Variants in PLCG1 observed in about 807,000 individuals in gnomAD.
The protein encoded by PLCG1 is phospholipase C gamma 1, also known as 1-phosphatidylinositol 4,5-bisphosphate phosphodiesterase gamma-1.
PLCG1 carries 71 observed loss-of-function variants against 177.8 expected under a neutral mutation model. That is an observed-to-expected ratio of 0.40 (90% CI 0.33 to 0.49). PLCG1 has a LOEUF of 0.49. Ranked by LOEUF, PLCG1 falls within the 20% of genes least tolerant of loss-of-function variation. The probability of loss-of-function intolerance (pLI) is 0.72; values close to 1 mark genes in which losing one functional copy is unlikely to be tolerated. For synonymous variants in PLCG1, 658 were observed against 647.9 expected (o/e 1.02, Z -0.24); for missense variants, 1,281 against 1,709.0 (o/e 0.75, Z 4.42).
Position 41,172,569 on chromosome 20 carries a change from G to A in PLCG1, c.3054G>A (p.Leu1018=), listed in dbSNP as rs1180918559. Residue 1018 remains leucine, a synonymous_variant, in exon 26 of 32, where the codon CTG becomes CTA. Coordinates refer to ENST00000685551, the MANE Select transcript of PLCG1 (RefSeq NM_002660.3). The surrounding 1 kb of genome is among the most constrained non-coding windows in gnomAD (Gnocchi z 7.0). ...LSRIYPKGQR[L]DSSNYDPLPM... is the part of the protein sequence containing the mutation. ...GCATCTACCCCAAGGGCCAGCGACT[G>A]GATTCCTCCAACTACGATCCTTTGC... The A allele has an allele frequency of 1.2e-6, 2 of 1,614,092 alleles. No homozygotes were observed. Among genetic ancestry groups the A allele is most frequent in the East Asian group, 2.2e-5 (1 of 44,902 alleles).
chr20:41,176,863 G>GTTGT lies in PLCG1; in HGVS notation c.*2358_*2361dup, dbSNP rs779391862. 1.3e-5 allele frequency: 2 copies of GTTGT among 152,284 alleles called. No individual in the cohort carries two copies. The highest frequency in any genetic ancestry group is 2.9e-5 in the Non-Finnish European group (2 of 68,078). The allele number at this position is 152,284 out of a possible 1,614,324, so 9.4% of individuals were successfully genotyped here. A position where few individuals can be genotyped will look rare whatever the true frequency, so the allele number is the denominator to read the frequency against. On this transcript the variant is annotated 3_prime_UTR_variant, in exon 32 of 32. Transcript: ENST00000685551. ...GGGGCCGAATGCTTTGGCATCAGGAGTTGTTTGCCCCATCCCATGCATGCA... is the reference window on the plus strand; with the variant it reads ...GGGGCCGAATGCTTTGGCATCAGGAGTTGTTTGTTTGCCCCATCCCATGCATGCA...
Position 41,167,994 on chromosome 20 carries a change from C to A in PLCG1, c.2379+65C>A. The stretch of plus-strand genomic sequence containing the variant: ...TCCCCAGCTGCTTGGGGCTTCATTT[C>A]TGTGTTCTGGGCCATCTGTGGTCTT... On this transcript the variant is annotated intron_variant, in intron 20 of 31. Coordinates refer to ENST00000685551, the MANE Select transcript of PLCG1 (RefSeq NM_002660.3). The surrounding 1 kb of genome is among the most constrained non-coding windows in gnomAD (Gnocchi z 4.4). 9.1e-7 allele frequency: 1 copy of A among 1,100,614 alleles called. No homozygotes were observed. Among genetic ancestry groups the A allele is most frequent in the South Asian group, 1.3e-5 (1 of 79,798 alleles). The allele number at this position is 1,100,614 out of a possible 1,614,324, so 68.2% of individuals were successfully genotyped here. A position where few individuals can be genotyped will look rare whatever the true frequency, so the allele number is the denominator to read the frequency against.
rs930563273 is a variant in PLCG1, at chr20:41,175,743, G to C, written c.*1234G>C. 6.5e-6 allele frequency: 1 copy of C among 152,672 alleles called. No homozygotes were observed. The highest frequency in any genetic ancestry group is 6.5e-5 in the Admixed American group (1 of 15,306). 9.5% of individuals were successfully genotyped at this position (152,672 alleles called of 1,614,324 possible). A position where few individuals can be genotyped will look rare whatever the true frequency, so the allele number is the denominator to read the frequency against. On this transcript the variant is annotated 3_prime_UTR_variant, in exon 32 of 32. Transcript: ENST00000685551. ...TTTCCTTTGACTTGTATGCTCTTTCGGGGGCTCAGGAAAGCCTGTTGCATG... is the reference window on the plus strand; with the variant it reads ...TTTCCTTTGACTTGTATGCTCTTTCCGGGGCTCAGGAAAGCCTGTTGCATG...
Position 41,166,690 on chromosome 20 carries a change from A to G in PLCG1, c.2132A>G (p.Lys711Arg), listed in dbSNP as rs780780389. Reference protein sequence around the residue: ...SYAISFRAEGKIKHCRVQQEG... With the variant: ...SYAISFRAEGRIKHCRVQQEG... ...TTGTCCTTGTGAAGGGCTGAGGGCA[A>G]GATCAAGCATTGCCGTGTCCAGCAA... is the stretch of plus-strand genomic sequence containing the variant. The change falls in exon 19 of 32, where the codon AAG becomes AGG. Residue 711 changes from lysine to arginine, a missense_variant. Physicochemically the swap from Lys to Arg is conservative, Grantham distance 26. Transcript: ENST00000685551. The surrounding 1 kb of genome is among the most constrained non-coding windows in gnomAD (Gnocchi z 8.6). The G allele has an allele frequency of 1.6e-5, 26 of 1,614,160 alleles. No homozygotes were observed. The highest frequency in any genetic ancestry group is 2.2e-5 in the Non-Finnish European group (26 of 1,180,012).
At position 41,165,792 on chromosome 20, in the gene PLCG1, G is replaced by A. The variant is rs2146044446; in HGVS notation, c.1765G>A (p.Glu589Lys). 1 of 1,600,012 alleles carries A rather than the reference G, an allele frequency of 6.2e-7. No homozygotes were observed. The highest frequency in any genetic ancestry group is 8.5e-7 in the Non-Finnish European group (1 of 1,170,098). The part of the protein sequence containing the change: ...PDGSFLVRES[E>K]TFVGDYTLSF... ...CGGCTCCTTCCTCGTGCGAGAGAGT[G>A]AGACCTTCGTGGGCGACTACACGCT... Residue 589 changes from glutamate to lysine, a missense_variant, in exon 16 of 32, where the codon GAG becomes AAG. Physicochemically the swap from Glu to Lys is moderately conservative, Grantham distance 56 (BLOSUM62 1). Around this residue, in one of 4 missense-constraint regions of PLCG1, gnomAD observed 723 missense variants for 1,030.0 expected, o/e 0.70. Transcript: ENST00000685551. The surrounding 1 kb of genome is among the most constrained non-coding windows in gnomAD (Gnocchi z 6.6).
Position 41,166,528 on chromosome 20 carries a change from G to GT in PLCG1, c.2054dup (p.Arg687SerfsTer2). ...ACAGGCTGAGCACATGCTAATGCGC[G>GT]TCCCTCGTGATGGGGCCTTCCTGGT... On this transcript the variant is annotated frameshift_variant, in exon 18 of 32. Transcript: ENST00000685551. LOFTEE classifies it high-confidence loss of function. This position sits in a 1 kb window ranked among gnomAD's most constrained non-coding sequence, Gnocchi z 8.6. The GT allele has an allele frequency of 6.2e-7, 1 of 1,614,170 alleles. No homozygotes were observed. The highest frequency in any genetic ancestry group is 8.5e-7 in the Non-Finnish European group (1 of 1,180,044).
In PLCG1 at chr20:41,146,604, T is replaced by G. The variant is rs1751802323; in HGVS notation, c.217+8746T>G. ...AGTTTGGCCACTTGTTTGTGTGTGT[T>G]TAGTTCTTCCTGGGCACAGGTGGGG... On this transcript the variant is annotated intron_variant, in intron 1 of 31. Transcript: ENST00000685551. This position sits in a 1 kb window ranked among gnomAD's most constrained non-coding sequence, Gnocchi z 6.3. 6.6e-6 allele frequency among the ~76,000 whole-genome samples: 1 copy of G among 152,216 alleles called. No homozygotes were observed. The highest frequency in any genetic ancestry group is 1.5e-5 in the Non-Finnish European group (1 of 68,040).
rs1363366673 is a variant in PLCG1, at chr20:41,165,577, GC to G, written c.1611+27del. 1 of 1,611,388 alleles carries G rather than the reference GC, an allele frequency of 6.2e-7. No homozygotes were observed. The highest frequency in any genetic ancestry group is 1.3e-5 in the African/African-American group (1 of 75,002). On this transcript the variant is annotated intron_variant, in intron 15 of 31. Coordinates refer to ENST00000685551, the MANE Select transcript of PLCG1 (RefSeq NM_002660.3). This position sits in a 1 kb window ranked among gnomAD's most constrained non-coding sequence, Gnocchi z 6.6. ...GTGAGGAACCAGCTCAGGTCTGGGGGCTGGGCCAGGTCAGGCCTGGGCCAGG... is the reference window on the plus strand; with the variant it reads ...GTGAGGAACCAGCTCAGGTCTGGGGGTGGGCCAGGTCAGGCCTGGGCCAGG...
In PLCG1 at chr20:41,165,391, G is replaced by T. The variant is rs756498111; in HGVS notation, c.1509+24G>T. The T allele has an allele frequency of 5.6e-6, 9 of 1,614,010 alleles. No homozygotes were observed. Among genetic ancestry groups the T allele is most frequent in the Non-Finnish European group, 3.4e-6 (4 of 1,179,988 alleles). The stretch of plus-strand genomic sequence containing the variant: ...ACGTGAGGACTGGGCCAGGCTGGGG[G>T]TGGTAGGCCAGTGGGTGTGAGGACC... On this transcript the variant is annotated intron_variant, in intron 14 of 31. Transcript: ENST00000685551. This position sits in a 1 kb window ranked among gnomAD's most constrained non-coding sequence, Gnocchi z 6.6.
In PLCG1 at chr20:41,163,794, AC is replaced by A. The variant is rs768047948; in HGVS notation, c.974del (p.Pro325LeufsTer15). On this transcript the variant is annotated frameshift_variant, in exon 10 of 32. Transcript: ENST00000685551. LOFTEE classifies it high-confidence loss of function. The surrounding 1 kb of genome is among the most constrained non-coding windows in gnomAD (Gnocchi z 5.2). The stretch of plus-strand genomic sequence containing the variant: ...GCAGTATGCCCGGACACCATGAACA[AC>A]CCTCTTTCCCACTACTGGATCTCCT... ...LDAVCPDTMN[N>X]PLSHYWISSS... 1 of 1,613,660 alleles carries A rather than the reference AC, an allele frequency of 6.2e-7. No homozygotes were observed. The highest frequency in any genetic ancestry group is 8.5e-7 in the Non-Finnish European group (1 of 1,179,712).
At position 41,165,606 on chromosome 20, in the gene PLCG1, C is replaced by G. The variant is rs774633448; in HGVS notation, c.1612-33C>G. On this transcript the variant is annotated intron_variant, in intron 15 of 31. Coordinates refer to ENST00000685551, the MANE Select transcript of PLCG1 (RefSeq NM_002660.3). This position sits in a 1 kb window ranked among gnomAD's most constrained non-coding sequence, Gnocchi z 6.6. ...GGCCAGGTCAGGCCTGGGCCAGGGT[C>G]ACAGTATCTTTGCTGTTGCCTTCCC... is the stretch of plus-strand genomic sequence containing the variant. The G allele has an allele frequency of 8.1e-6, 13 of 1,611,374 alleles. No homozygotes were observed. Among genetic ancestry groups the G allele is most frequent in the Non-Finnish European group, 9.3e-6 (11 of 1,177,858 alleles).
chr20:41,141,718 C>G (rs565942818), intron 1 of PLCG1, among the ~76,000 whole-genome samples: 93 of 152,332 alleles, frequency 6.1e-4, no homozygotes, highest in African/African-American at 2.2e-3. Context: ...TCCTCAGCAC[C>G]CCAGGCTTGC....
chr20:41,150,588 T>A lies in PLCG1; in HGVS notation c.218-9018T>A, dbSNP rs560511670. The stretch of plus-strand genomic sequence containing the variant: ...CTGACCCATGGCTGCCTGGAGAATC[T>A]TCTGGGCTTGTGCAGAAAAGTTGGG... On this transcript the variant is annotated intron_variant, in intron 1 of 31. Coordinates refer to ENST00000685551, the MANE Select transcript of PLCG1 (RefSeq NM_002660.3). The surrounding 1 kb of genome is among the most constrained non-coding windows in gnomAD (Gnocchi z 4.0). 1.5e-3 allele frequency among the ~76,000 whole-genome samples: 230 copies of A among 152,290 alleles called. No homozygotes were observed. Among genetic ancestry groups the A allele is most frequent in the Admixed American group, 5.6e-3 (85 of 15,302 alleles).
In PLCG1 at chr20:41,147,482, T is replaced by C. The variant is rs529109187; in HGVS notation, c.217+9624T>C. On this transcript the variant is annotated intron_variant, in intron 1 of 31. Coordinates refer to ENST00000685551, the MANE Select transcript of PLCG1 (RefSeq NM_002660.3). The surrounding 1 kb of genome is among the most constrained non-coding windows in gnomAD (Gnocchi z 4.0). ...CAGCTGTCCTAAGCAGGTAAAACGATAGGTTATTCAACTTCAACTTCAGAG... is the reference window on the plus strand; with the variant it reads ...CAGCTGTCCTAAGCAGGTAAAACGACAGGTTATTCAACTTCAACTTCAGAG... Among the ~76,000 whole-genome samples, 36 of 152,310 alleles carry C rather than the reference T, an allele frequency of 2.4e-4. 1 individual carries two copies. The South Asian group carries it at 6.4e-3, about 27-fold the overall frequency.
rs985161445 is a variant in PLCG1, at chr20:41,175,595, A to C, written c.*1086A>C. The C allele has an allele frequency of 1.3e-5, 2 of 152,694 alleles. No individual in the cohort carries two copies. The highest frequency in any genetic ancestry group is 4.8e-5 in the African/African-American group (2 of 41,454). 9.5% of individuals were successfully genotyped at this position (152,694 alleles called of 1,614,324 possible). On this transcript the variant is annotated 3_prime_UTR_variant, in exon 32 of 32. Coordinates refer to ENST00000685551, the MANE Select transcript of PLCG1 (RefSeq NM_002660.3). ...AGGCCCGTGGGCGCAAAGGTGCCTC[A>C]TAGCATAGCCAGCATTCAGCACACA... is the stretch of plus-strand genomic sequence containing the variant.
chr20:41,172,149 CA>C lies in PLCG1; in HGVS notation c.2809-43del, dbSNP rs2035921356. 6.7e-7 allele frequency: 1 copy of C among 1,494,454 alleles called. No individual in the cohort carries two copies. Among genetic ancestry groups the C allele is most frequent in the African/African-American group, 1.4e-5 (1 of 72,660 alleles). The allele number at this position is 1,494,454 out of a possible 1,614,324, so 92.6% of individuals were successfully genotyped here. On this transcript the variant is annotated intron_variant, in intron 24 of 31. Transcript: ENST00000685551. The surrounding 1 kb of genome is among the most constrained non-coding windows in gnomAD (Gnocchi z 7.0). Reference sequence around the variant, plus strand: ...TTGGCAGGGGCTTCCTTCTCCTGGGCAGGGCTGTAGCCTGGGGCTACAGGGC... The same window carrying C: ...TTGGCAGGGGCTTCCTTCTCCTGGGCGGGCTGTAGCCTGGGGCTACAGGGC...
At position 41,151,381 on chromosome 20, in the gene PLCG1, C is replaced by T. The variant is rs201389677; in HGVS notation, c.218-8225C>T. ...AGATTTGTCTAGAATCTAGACCAAG[C>T]TTGTCCAACTCGCTGCCCGCGGGTC... On this transcript the variant is annotated intron_variant, in intron 1 of 31. Transcript: ENST00000685551. The surrounding 1 kb of genome is among the most constrained non-coding windows in gnomAD (Gnocchi z 5.5). 6.6e-6 allele frequency among the ~76,000 whole-genome samples: 1 copy of T among 152,210 alleles called. No homozygotes were observed. Among genetic ancestry groups the T allele is most frequent in the East Asian group, 1.9e-4 (1 of 5,198 alleles).
Position 41,147,681 on chromosome 20 carries a change from T to C in PLCG1, c.217+9823T>C, listed in dbSNP as rs2035035720. Among the ~76,000 whole-genome samples the C allele has an allele frequency of 6.6e-6, 1 of 152,096 alleles. No homozygotes were observed. ...CTGGCTAAGATGGTGAAATCCCATC[T>C]CTACTAAAAATACAAAAATTAACCA... On this transcript the variant is annotated intron_variant, in intron 1 of 31. Transcript: ENST00000685551. This position sits in a 1 kb window ranked among gnomAD's most constrained non-coding sequence, Gnocchi z 4.0.
rs1264880444 is a variant in PLCG1, at chr20:41,176,112, C to T, written c.*1603C>T. 6.6e-6 allele frequency: 1 copy of T among 152,184 alleles called. No individual in the cohort carries two copies. The highest frequency in any genetic ancestry group is 1.5e-5 in the Non-Finnish European group (1 of 68,038). 9.4% of individuals were successfully genotyped at this position (152,184 alleles called of 1,614,324 possible). A position where few individuals can be genotyped will look rare whatever the true frequency, so the allele number is the denominator to read the frequency against. ...CTCTAGGACTTGGCAGCTGAAATCT[C>T]TGGGCCCTTTCAACACAGTTGAAAG... On this transcript the variant is annotated 3_prime_UTR_variant, in exon 32 of 32. Transcript: ENST00000685551.
Sources: gnomAD v4.1 joint callset for allele counts (sites outside exome capture counted in the v4.1 genomes callset) on GRCh38, gnomAD v4.1.1 for gene constraint, gnomAD v4.1.1 regional missense constraint, Gnocchi (gnomAD v3.1) non-coding constraint, MANE v1.5 for transcripts, NCBI Gene and HGNC (gene_info 2026-07-23, HGNC 2026-07-21) for gene names.